The following KIT variants were observed in gnomAD, a reference collection of about 807,000 sequenced individuals.
KIT encodes mast/stem cell growth factor receptor Kit.
In KIT, 16 loss-of-function variants were observed where a neutral mutation model predicts 105.7. That is an observed-to-expected ratio of 0.15 (90% CI 0.10 to 0.23). The LOEUF is 0.23. KIT is among the 10% of genes least tolerant of loss of function. The pLI is 1.00. For synonymous variants in KIT, 438 were observed against 441.1 expected, an observed-to-expected ratio of 0.99 and a Z score of 0.09; for missense variants, 858 against 1,213.8, an observed-to-expected ratio of 0.71 and a Z score of 4.36.
At chr4:54,668,748 G>T (rs1378828186) in intron 1 of KIT, among the ~76,000 whole-genome samples, 2 of 152,194 alleles carry the variant, frequency 1.3e-5, no homozygotes, top group Non-Finnish European at 2.9e-5. Context: ...TACTTGGCTA[G>T]TGCACACTTA....
Position 54,707,130 on chromosome 4 carries a change from A to C in KIT, c.958A>C (p.Asn320His). The C allele has an allele frequency of 6.4e-7, 1 of 1,570,506 alleles. No individual in the cohort carries two copies. Among genetic ancestry groups the C allele is most frequent in the Non-Finnish European group, 8.8e-7 (1 of 1,140,662 alleles). Reference protein sequence around the residue: ...KGFINIFPMINTTVFVNDGEN... With the variant: ...KGFINIFPMIHTTVFVNDGEN... ...ATTCATTAATATCTTCCCCATGATAAACACTACAGTATTTGTAAACGATGG... is the reference window on the plus strand; with the variant it reads ...ATTCATTAATATCTTCCCCATGATACACACTACAGTATTTGTAAACGATGG... Residue 320 changes from asparagine (N) to histidine (H), a missense_variant, in exon 6 of 21, where the codon AAC (asparagine) becomes CAC (histidine). By Grantham distance (68) the Asn-to-His change is moderately conservative (BLOSUM62 1). Transcript: ENST00000288135.
At position 54,695,626 on chromosome 4, in the gene KIT, C is replaced by A. The variant is rs557317141; in HGVS notation, c.182C>A (p.Pro61Gln). 6.2e-7 allele frequency: 1 copy of A among 1,614,162 alleles called. No individual in the cohort carries two copies. Among genetic ancestry groups the A allele is most frequent in the South Asian group, 1.1e-5 (1 of 91,082 alleles). The change falls in exon 2 of 21, where the codon CCG becomes CAG. Residue 61 changes from proline (P) to glutamine (Q), a missense_variant. Coordinates refer to ENST00000288135, the MANE Select transcript of KIT (RefSeq NM_000222.3). ...GAGATTAGGCTGTTATGCACTGATC[C>A]GGGCTTTGTCAAATGGACTTTTGAG... ...GDEIRLLCTD[P>Q]GFVKWTFEIL...
intron 1 of KIT, among the ~76,000 whole-genome samples, chr4:54,680,983 C>T (rs1469417939): frequency 1.3e-5 from 2 of 152,112 alleles, no homozygotes; most frequent in African/African-American, 4.8e-5. Context: ...CCAGGGCTCC[C>T]TTTTGTATGT....
intron 4 of KIT, among the ~76,000 whole-genome samples, chr4:54,703,312 GTTA>G (rs1577962528): frequency 6.6e-6 from 1 of 152,094 alleles, no homozygotes; most frequent in Admixed American, 6.5e-5. Context: ...GAACATTATT[GTTA>G]TTAGCAATGT....
chr4:54,684,319 C>T (rs1379904376), intron 1 of KIT, among the ~76,000 whole-genome samples: 1 of 152,088 alleles, frequency 6.6e-6, no homozygotes, highest in African/African-American at 2.4e-5. Context: ...GTGGGACCCA[C>T]ATGTACCATG....
intron 7 of KIT, among the ~76,000 whole-genome samples, chr4:54,711,983 A>G (rs990344521): frequency 1.3e-5 from 2 of 152,060 alleles, no homozygotes; most frequent in East Asian, 3.9e-4. Context: ...TTACCCATGG[A>G]CAAAATTACC....
rs776847538 is a variant in KIT, at chr4:54,727,997, G to C, written c.1880-14G>C. On this transcript the variant is annotated splice_polypyrimidine_tract_variant and intron_variant, in intron 12 of 20. Coordinates refer to ENST00000288135, the MANE Select transcript of KIT (RefSeq NM_000222.3). The stretch of plus-strand genomic sequence containing the variant: ...AGTTGTGCTTTTTGCTAAAATGCAT[G>C]TTTCCAATTTTAGCGAGTGCCCATT... 14 of 1,613,114 alleles carry C rather than the reference G, an allele frequency of 8.7e-6. No homozygotes were observed. The highest frequency in any genetic ancestry group is 1.2e-5 in the Non-Finnish European group (14 of 1,179,060).
At chr4:54,695,849 A>G in intron 2 of KIT, 68 bp downstream of exon 2, 6 of 1,581,096 alleles carry the variant, frequency 3.8e-6, no homozygotes, top group Non-Finnish European at 5.2e-6. Flanking sequence ...ATTTTGGATG[A>G]CATATGGATG....
chr4:54,669,354 C>T (rs1398176844), intron 1 of KIT, among the ~76,000 whole-genome samples: 3 of 152,178 alleles, frequency 2.0e-5, no homozygotes, highest in Non-Finnish European at 4.4e-5. Flanking sequence ...GGTTTCAGAA[C>T]CACTGCCTTT....
At position 54,731,317 on chromosome 4, in the gene KIT, A is replaced by G. The variant is rs1722580438; in HGVS notation, c.2142-11A>G. On this transcript the variant is annotated splice_polypyrimidine_tract_variant and intron_variant, in intron 14 of 20. Transcript: ENST00000288135. ...ACTTGATTCAGTCATGACTTGTTTC[A>G]TCTCTCCCAGCAGCGATAGTACTAA... The G allele has an allele frequency of 3.1e-6, 5 of 1,602,822 alleles. No homozygotes were observed. The highest frequency in any genetic ancestry group is 4.5e-5 in the East Asian group (2 of 44,828).
intron 6 of KIT, among the ~76,000 whole-genome samples, chr4:54,708,456 C>T (rs764497520): frequency 6.1e-4 from 93 of 152,178 alleles, no homozygotes; most frequent in Middle Eastern, 6.8e-3. Flanking sequence ...AGGAGCTGAG[C>T]GGGGCTTTTG....
chr4:54,721,748 T>C (rs1721893283), intron 7 of KIT, among the ~76,000 whole-genome samples: 2 of 152,218 alleles, frequency 1.3e-5, no homozygotes. Flanking sequence ...ACTTCCTAAG[T>C]TTCTGATCTG....
chr4:54,696,721 C>T (rs1182394719), intron 2 of KIT, among the ~76,000 whole-genome samples: 1 of 152,246 alleles, frequency 6.6e-6, no homozygotes, highest in African/African-American at 2.4e-5. Context: ...CAAATTCTAA[C>T]ATGCTCCATC....
At chr4:54,679,803 A>G (rs1466395612) in intron 1 of KIT, among the ~76,000 whole-genome samples, 1 of 152,248 alleles carries the variant, frequency 6.6e-6, no homozygotes, top group Admixed American at 6.5e-5. Context: ...AAAATATAGC[A>G]TATACACAGT....
At chr4:54,662,841 A>C (rs755437323) in intron 1 of KIT, among the ~76,000 whole-genome samples, 26 of 152,070 alleles carry the variant, frequency 1.7e-4, no homozygotes, top group Non-Finnish European at 2.5e-4. Flanking sequence ...CCAAAGTGCT[A>C]GGATTACAGG....
At position 54,715,390 on chromosome 4, in the gene KIT, C is replaced by A. The variant is rs1390095776; in HGVS notation, c.1231+5851C>A. Among the ~76,000 whole-genome samples the A allele has an allele frequency of 2.6e-5, 4 of 151,290 alleles. No individual in the cohort carries two copies. The East Asian group carries it at 7.8e-4, about 29-fold the overall frequency. On this transcript the variant is annotated intron_variant, in intron 7 of 20. Transcript: ENST00000288135. ...TGTTAAAAAAAAAAAAAAAAAATGC[C>A]CGGGGCTGGGTGATTTATAAAGAAA... is the stretch of plus-strand genomic sequence containing the variant.
At chr4:54,660,264 C>T (rs556315949) in intron 1 of KIT, among the ~76,000 whole-genome samples, 1 of 152,240 alleles carries the variant, frequency 6.6e-6, no homozygotes, top group Non-Finnish European at 1.5e-5. Flanking sequence ...CCATATATTC[C>T]TCTGCATTGC....
chr4:54,715,121 A>G (rs1721392547), intron 7 of KIT, among the ~76,000 whole-genome samples: 1 of 152,240 alleles, frequency 6.6e-6, no homozygotes, highest in South Asian at 2.1e-4. Context: ...GTCATACAGT[A>G]TACCAAAATC....
At chr4:54,725,567 G>C (rs1264684185) in intron 8 of KIT, among the ~76,000 whole-genome samples, 1 of 152,000 alleles carries the variant, frequency 6.6e-6, no homozygotes, top group Non-Finnish European at 1.5e-5. Context: ...TCTGCAATGG[G>C]TATTACTATC....
Sources: allele counts gnomAD v4.1 joint callset (sites outside exome capture counted in the v4.1 genomes callset), GRCh38; gene constraint gnomAD v4.1.1; transcripts MANE v1.5; gene names NCBI Gene and HGNC (gene_info 2026-07-23, HGNC 2026-07-21).